Variants in RABL6 observed in about 807,000 individuals in gnomAD.
RABL6 encodes RAB, member RAS oncogene family like 6.
A neutral mutation model predicts 72.9 loss-of-function variants in RABL6; 28 were observed. The observed-to-expected ratio is 0.38, with a 90% confidence interval of 0.28 to 0.53. RABL6 has a LOEUF of 0.53. RABL6 is among the 20% of genes least tolerant of loss of function. The pLI, the probability that RABL6 is intolerant of heterozygous loss-of-function variation, is 0.80. For missense variants in RABL6, 1,029 were observed against 1,008.4 expected, an observed-to-expected ratio of 1.02 and a Z score of -0.28; for synonymous variants, 477 against 421.2, an observed-to-expected ratio of 1.13 and a Z score of -1.62.
At chr9:136,810,109 T>G (rs1010393368) in intron 1 of RABL6, 5 of 152,388 alleles carry the variant, frequency 3.3e-5, no homozygotes, top group African/African-American at 1.2e-4. Flanking sequence ...ATAACTGAGT[T>G]TACGCCAGTT....
intron 3 of RABL6, 107 bp from the exon 4 acceptor site, chr9:136,828,387 A>G: frequency 8.8e-7 from 1 of 1,138,114 alleles, no homozygotes; most frequent in South Asian, 1.3e-5. Context: ...GGTGGAGTAG[A>G]GCACCCGCTG....
At position 136,837,182 on chromosome 9, in the gene RABL6, C is replaced by T. The variant is rs376299846; in HGVS notation, c.810-164C>T. ...GAGCCACCGTGCCTGGCTGGCACTG[C>T]TGCCCTTGGAAGTGGATGGGGATGA... is the stretch of plus-strand genomic sequence containing the variant. On this transcript the variant is annotated intron_variant, in intron 8 of 14. Coordinates refer to ENST00000311502, the MANE Select transcript of RABL6 (RefSeq NM_024718.5). The T allele has an allele frequency of 4.8e-6, 4 of 836,300 alleles. No homozygotes were observed. In the Admixed American group the frequency reaches 6.0e-5, roughly 13 times the overall value. 51.8% of individuals were successfully genotyped at this position (836,300 alleles called of 1,614,324 possible).
Position 136,821,526 on chromosome 9 carries a change from G to A in RABL6, c.131-1999G>A, listed in dbSNP as rs535513849. 5.1e-6 allele frequency: 5 copies of A among 985,364 alleles called. No homozygotes were observed. The African/African-American group carries it at 7.0e-5, about 14-fold the overall frequency. 61.0% of individuals were successfully genotyped at this position (985,364 alleles called of 1,614,324 possible). A position where few individuals can be genotyped will look rare whatever the true frequency, so the allele number is the denominator to read the frequency against. On this transcript the variant is annotated intron_variant, in intron 1 of 14. Transcript: ENST00000311502. ...GCGAGGCTATGCGTGCGCGGCCCGGGCAGTCTCTGCGAGCCCGGGCTGCTG... is the reference window on the plus strand; with the variant it reads ...GCGAGGCTATGCGTGCGCGGCCCGGACAGTCTCTGCGAGCCCGGGCTGCTG...
chr9:136,831,932 A>G (rs1178976653), intron 6 of RABL6, 71 bp downstream of exon 6: 3 of 1,520,980 alleles, frequency 2.0e-6, no homozygotes, highest in East Asian at 4.7e-5. Flanking sequence ...GTGCTGAGGC[A>G]GAGGCCCAGG....
At position 136,826,679 on chromosome 9, in the gene RABL6, A is replaced by T. The variant is rs1848366314; in HGVS notation, c.313+853A>T. 6.6e-6 allele frequency: 1 copy of T among 152,028 alleles called. No homozygotes were observed. The highest frequency in any genetic ancestry group is 1.9e-4 in the East Asian group (1 of 5,174). 9.4% of individuals were successfully genotyped at this position (152,028 alleles called of 1,614,324 possible). A position where few individuals can be genotyped will look rare whatever the true frequency, so the allele number is the denominator to read the frequency against. On this transcript the variant is annotated intron_variant, in intron 3 of 14. Coordinates refer to ENST00000311502, the MANE Select transcript of RABL6 (RefSeq NM_024718.5). This position sits in a 1 kb window ranked among gnomAD's most constrained non-coding sequence, Gnocchi z 4.9. ...GGCCCGTGCTGACCTGGTGTTCCAG[A>T]TGCTGTCTCTGCAGAGCTCTGCGTG...
chr9:136,832,867 C>T lies in RABL6; in HGVS notation c.705+497C>T, dbSNP rs182641368. Reference sequence around the variant, plus strand: ...CCAACTTTGGCCTACGGACTAAACTCACTTTCCTTTGTAGAAACAAGGGCC... The same window carrying T: ...CCAACTTTGGCCTACGGACTAAACTTACTTTCCTTTGTAGAAACAAGGGCC... On this transcript the variant is annotated intron_variant, in intron 7 of 14. Coordinates refer to ENST00000311502, the MANE Select transcript of RABL6 (RefSeq NM_024718.5). 2.1e-4 allele frequency: 68 copies of T among 318,766 alleles called. No individual in the cohort carries two copies. In the Middle Eastern group the frequency reaches 3.4e-3, roughly 16 times the overall value. The allele number at this position is 318,766 out of a possible 1,614,324, so 19.7% of individuals were successfully genotyped here.
At chr9:136,820,532 C>G (rs938385061) in intron 1 of RABL6, among the ~76,000 whole-genome samples, 1 of 152,020 alleles carries the variant, frequency 6.6e-6, no homozygotes, top group Non-Finnish European at 1.5e-5. Context: ...CCACCACACC[C>G]GGCTAATTTT....
intron 6 of RABL6, chr9:136,832,064 G>A (rs1848488866): frequency 1.0e-5 from 10 of 964,396 alleles, no homozygotes; most frequent in Non-Finnish European, 1.4e-5. Context: ...CTGTGTGCCA[G>A]GGTGAAGTGC....
At chr9:136,832,944 CT>C in intron 7 of RABL6, 1 of 336,472 alleles carries the variant, frequency 3.0e-6, no homozygotes, top group Non-Finnish European at 5.8e-6. Flanking sequence ...CTTGAACCTC[CT>C]CGCCCTGGGC....
At chr9:136,830,702 A>T (rs1169763752) in intron 5 of RABL6, among the ~76,000 whole-genome samples, 1 of 152,176 alleles carries the variant, frequency 6.6e-6, no homozygotes, top group East Asian at 1.9e-4. Flanking sequence ...GCCTGGAGGG[A>T]GCTGCAGCCG....
At chr9:136,832,814 C>T (rs1848506105) in intron 7 of RABL6, 4 of 317,838 alleles carry the variant, frequency 1.3e-5, no homozygotes, top group South Asian at 5.4e-5. Context: ...TCTCACATTT[C>T]CCTGGTGCTT....
chr9:136,840,587 G>A lies in RABL6; in HGVS notation c.*65G>A. The A allele has an allele frequency of 6.5e-7, 1 of 1,547,838 alleles. No homozygotes were observed. Among genetic ancestry groups the A allele is most frequent in the South Asian group, 1.2e-5 (1 of 83,962 alleles). On this transcript the variant is annotated 3_prime_UTR_variant, in exon 15 of 15. Transcript: ENST00000311502. ...CCTGTCACTGCCTGGGGAGGCATTT[G>A]CCTCTGTACCATCGCCTTTGCCGCT...
chr9:136,821,494 G>A (rs930694888), intron 1 of RABL6: 1 of 985,392 alleles, frequency 1.0e-6, no homozygotes, highest in African/African-American at 1.7e-5. Flanking sequence ...GTTCTCTCGC[G>A]GGCCCAGCGA....
Position 136,831,767 on chromosome 9 carries a change from G to T in RABL6, c.505G>T (p.Val169Leu), listed in dbSNP as rs200342324. 1.9e-6 allele frequency: 3 copies of T among 1,613,480 alleles called. No individual in the cohort carries two copies. Among genetic ancestry groups the T allele is most frequent in the Non-Finnish European group, 2.5e-6 (3 of 1,179,840 alleles). Residue 169 changes from valine (V) to leucine (L), a missense_variant, in exon 6 of 15, where the codon GTG (valine) becomes TTG (leucine). This residue lies in a region of RABL6 where 434 missense variants were observed against 536.1 expected (regional missense o/e 0.81). Transcript: ENST00000311502. ...LRELPKVPTHVPVCVLGNYRD... is the reference protein window; with the variant it reads ...LRELPKVPTHLPVCVLGNYRD... ...GGAGCTTCCAAAAGTGCCCACCCAC[G>T]TGCCAGTGTGCGTGCTGGGAAACTA... is the stretch of plus-strand genomic sequence containing the variant.
intron 5 of RABL6, chr9:136,830,981 A>C (rs1848461321): frequency 6.5e-6 from 1 of 154,786 alleles, no homozygotes; most frequent in East Asian, 1.9e-4. Flanking sequence ...CCACCTGCTT[A>C]GGAGGCCAGA....
rs568763916 is a variant in RABL6 at position 136,812,122 on chromosome 9, C to G, written c.130+3796C>G. Among the ~76,000 whole-genome samples, 4 of 152,320 alleles carry G rather than the reference C, an allele frequency of 2.6e-5. No individual in the cohort carries two copies. The East Asian group carries it at 7.7e-4, about 29-fold the overall frequency. ...TGTCCCTTTCTACTGTGACTGGACA[C>G]AAAATATCAGTTGTATTTGGTGCAG... On this transcript the variant is annotated intron_variant, in intron 1 of 14. Transcript: ENST00000311502.
intron 7 of RABL6, chr9:136,832,625 G>A (rs1848501584): frequency 1.9e-6 from 1 of 533,862 alleles, no homozygotes; most frequent in Admixed American, 3.1e-5. Flanking sequence ...GTTTCCCCCA[G>A]TGTTTTTGGT....
At chr9:136,833,289 C>G in intron 7 of RABL6, 2 of 314,946 alleles carry the variant, frequency 6.4e-6, no homozygotes, top group Admixed American at 4.7e-5. Context: ...GGACCTGAAC[C>G]TCCTCGCCCT....
chr9:136,822,397 T>TC (rs1245176784), intron 1 of RABL6, among the ~76,000 whole-genome samples: 1 of 151,494 alleles, frequency 6.6e-6, no homozygotes, highest in African/African-American at 2.4e-5. Context: ...GGCTTCTCTC[T>TC]CCCCCGTGCC....
Sources: gnomAD v4.1 joint callset for allele counts (sites outside exome capture counted in the v4.1 genomes callset) on GRCh38, gnomAD v4.1.1 for gene constraint, gnomAD v4.1.1 regional missense constraint, Gnocchi (gnomAD v3.1) non-coding constraint, MANE v1.5 for transcripts, NCBI Gene and HGNC (gene_info 2026-07-23, HGNC 2026-07-21) for gene names.